The following POU2F1 variants were observed in gnomAD, a reference collection of about 807,000 sequenced individuals.
POU2F1 encodes the protein POU domain, class 2, transcription factor 1.
POU2F1 carries 16 observed loss-of-function variants against 84.9 expected under a neutral mutation model. The observed-to-expected ratio is 0.19, with a 90% CI of 0.13 to 0.29. The LOEUF is 0.29. POU2F1 is among the 10% of genes least tolerant of loss of function. The pLI, the probability that POU2F1 is intolerant of heterozygous loss-of-function variation, is 1.00. For missense variants in POU2F1, 738 were observed against 942.6 expected (o/e 0.78, Z 2.84); for synonymous variants, 368 against 368.3 (o/e 1.00, Z 0.01).
chr1:167,260,493 T>C (rs1453306494), intron 1 of POU2F1, among the ~76,000 whole-genome samples: 1 of 152,236 alleles, frequency 6.6e-6, no homozygotes, highest in Non-Finnish European at 1.5e-5. Context: ...TTTGCTTTTT[T>C]ACCTTTTGAT....
At chr1:167,311,995 C>T (rs954076550) in intron 1 of POU2F1, among the ~76,000 whole-genome samples, 1 of 151,500 alleles carries the variant, frequency 6.6e-6, no homozygotes, top group Non-Finnish European at 1.5e-5. Context: ...CCCAGGCTGG[C>T]GCACTCTCGG....
intron 2 of POU2F1, among the ~76,000 whole-genome samples, chr1:167,354,880 A>G (rs1658833339): frequency 6.6e-6 from 1 of 151,888 alleles, no homozygotes; most frequent in Non-Finnish European, 1.5e-5. Flanking sequence ...TGTTGGGTTG[A>G]CTTTTTCTTA....
In POU2F1 at chr1:167,392,291, G is replaced by A. The variant is rs959861430; in HGVS notation, c.987+2530G>A. Reference sequence around the variant, plus strand: ...GGCTTCAACCTGGGAGGTGGAGGTTGCAGTGAGCCAAGATCACGCCACTGC... The same window carrying A: ...GGCTTCAACCTGGGAGGTGGAGGTTACAGTGAGCCAAGATCACGCCACTGC... On this transcript the variant is annotated intron_variant, in intron 9 of 15. Transcript: ENST00000367866. Among the ~76,000 whole-genome samples the A allele has an allele frequency of 3.3e-5, 5 of 151,722 alleles. No individual in the cohort carries two copies. The South Asian group carries it at 6.3e-4, about 19-fold the overall frequency.
At chr1:167,410,172 A>G (rs1305769545) in intron 13 of POU2F1, among the ~76,000 whole-genome samples, 1 of 152,320 alleles carries the variant, frequency 6.6e-6, no homozygotes, top group East Asian at 1.9e-4. Context: ...ATTTTTCAGA[A>G]GGGTAGACAG....
intron 9 of POU2F1, among the ~76,000 whole-genome samples, chr1:167,394,696 A>G (rs1188365165): frequency 2.0e-5 from 3 of 152,302 alleles, no homozygotes; most frequent in East Asian, 1.9e-4. Context: ...TGGTGGCTAT[A>G]TGGGAAGGCA....
At chr1:167,221,103 C>G (rs1268885998) in intron 1 of POU2F1, 145 bp downstream of exon 1, 2 of 805,724 alleles carry the variant, frequency 2.5e-6, no homozygotes, top group Non-Finnish European at 3.9e-6. Context: ...GCATTGAGCC[C>G]CCGCCGGGCG....
intron 1 of POU2F1, among the ~76,000 whole-genome samples, chr1:167,306,280 A>G (rs1260297881): frequency 6.6e-6 from 1 of 152,342 alleles, no homozygotes. Context: ...GAAAACCACT[A>G]GTACTTTAGA....
At chr1:167,356,704 C>T (rs1236215930) in intron 2 of POU2F1, among the ~76,000 whole-genome samples, 1 of 152,144 alleles carries the variant, frequency 6.6e-6, no homozygotes, top group African/African-American at 2.4e-5. Context: ...AGTTTACTTA[C>T]AAAGGCTTTA....
At chr1:167,302,342 G>A (rs1053865371) in intron 1 of POU2F1, among the ~76,000 whole-genome samples, 20 of 151,240 alleles carry the variant, frequency 1.3e-4, no homozygotes, top group Admixed American at 4.0e-4. Context: ...CTCACTGCAA[G>A]CTCTGACTCC....
At chr1:167,224,582 T>G (rs1362270842) in intron 1 of POU2F1, among the ~76,000 whole-genome samples, 2 of 152,212 alleles carry the variant, frequency 1.3e-5, no homozygotes, top group Non-Finnish European at 2.9e-5. Flanking sequence ...TTTTGACATA[T>G]TAATAGATTT....
intron 2 of POU2F1, among the ~76,000 whole-genome samples, chr1:167,354,398 TCTC>T (rs1213548342): frequency 6.6e-6 from 1 of 152,008 alleles, no homozygotes; most frequent in African/African-American, 2.4e-5. Context: ...TTCAAGCAAT[TCTC>T]CTGCCTCAGC....
chr1:167,221,478 A>G (rs1648172191), intron 1 of POU2F1, among the ~76,000 whole-genome samples: 1 of 147,214 alleles, frequency 6.8e-6, no homozygotes, highest in Non-Finnish European at 1.5e-5. Context: ...GGCGAGCACA[A>G]TGCCGGGGAG....
At chr1:167,412,983 G>GC in intron 14 of POU2F1, 43 bp from the exon 15 acceptor site, 1 of 1,488,492 alleles carries the variant, frequency 6.7e-7, no homozygotes, top group Non-Finnish European at 9.3e-7. Flanking sequence ...AATGAGACCT[G>GC]CGTCTGCATG....
intron 2 of POU2F1, among the ~76,000 whole-genome samples, chr1:167,343,060 A>C (rs1350059957): frequency 6.6e-6 from 1 of 151,974 alleles, no homozygotes; most frequent in Non-Finnish European, 1.5e-5. Context: ...CAGTTACAGG[A>C]TATGGCTTCT....
chr1:167,320,259 A>G (rs562258616), intron 1 of POU2F1, among the ~76,000 whole-genome samples: 1 of 152,358 alleles, frequency 6.6e-6, no homozygotes, highest in Non-Finnish European at 1.5e-5. Context: ...AATTACAGCT[A>G]CAAGTTTTGC....
At chr1:167,249,974 G>A (rs1650600165) in intron 1 of POU2F1, among the ~76,000 whole-genome samples, 1 of 152,114 alleles carries the variant, frequency 6.6e-6, no homozygotes, top group South Asian at 2.1e-4. Context: ...TCATTAACAG[G>A]AGTTATGTTT....
chr1:167,326,696 C>T (rs1448445045), intron 1 of POU2F1, among the ~76,000 whole-genome samples: 1 of 152,098 alleles, frequency 6.6e-6, no homozygotes, highest in Non-Finnish European at 1.5e-5. Context: ...ACTATAGCCT[C>T]CCTGCTACAG....
chr1:167,284,206 T>C (rs1192219218), intron 1 of POU2F1, among the ~76,000 whole-genome samples: 1 of 152,220 alleles, frequency 6.6e-6, no homozygotes, highest in African/African-American at 2.4e-5. Context: ...GTAATAAATT[T>C]TTTTTGTTAT....
chr1:167,296,819 A>G (rs1287307309), intron 1 of POU2F1, among the ~76,000 whole-genome samples: 2 of 152,228 alleles, frequency 1.3e-5, no homozygotes, highest in Admixed American at 1.3e-4. Flanking sequence ...AATTATATGC[A>G]AAGCACTGTA....
Sources: gnomAD v4.1 joint callset for allele counts (sites outside exome capture counted in the v4.1 genomes callset) on GRCh38, gnomAD v4.1.1 for gene constraint, MANE v1.5 for transcripts, NCBI Gene and HGNC (gene_info 2026-07-23, HGNC 2026-07-21) for gene names.